Variants in RAPH1 observed in about 807,000 individuals in gnomAD.
The protein encoded by RAPH1 is ras-associated and pleckstrin homology domains-containing protein 1.
RAPH1 carries 18 observed loss-of-function variants against 88.1 expected under a neutral mutation model. That is an observed-to-expected ratio of 0.20 (90% CI 0.14 to 0.30). The LOEUF (loss-of-function observed/expected upper bound fraction) is 0.30, where lower values mean the gene tolerates loss of function less well. Ranked by LOEUF, RAPH1 falls within the 10% of genes least tolerant of loss-of-function variation. The probability of loss-of-function intolerance (pLI) is 1.00; values close to 1 mark genes in which losing one functional copy is unlikely to be tolerated. For missense variants in RAPH1, 1,448 were observed against 1,543.2 expected (o/e 0.94, Z 1.03); for synonymous variants, 587 against 559.0 (o/e 1.05, Z -0.71).
At chr2:203,524,521 G>A (rs1690032065) in intron 1 of RAPH1, among the ~76,000 whole-genome samples, 1 of 152,130 alleles carries the variant, frequency 6.6e-6, no homozygotes, top group Admixed American at 6.6e-5. Flanking sequence ...ATGCATAATG[G>A]AATACTTTAG....
chr2:203,441,141 C>T lies in RAPH1; in HGVS notation c.2049G>A (p.Leu683=), dbSNP rs1463289607. ...LQNASQHSGA[L]FKPPTPPVMQ... ...TCACTGGGGGTGTTGGCGGCTTAAA[C>T]AGGGCCCCTGAATGCTGAGACGCAT... is the stretch of plus-strand genomic sequence containing the variant. The change falls in exon 14 of 14, where the codon CTG becomes CTA. Residue 683 remains leucine, a synonymous_variant. Coordinates refer to ENST00000319170, the MANE Select transcript of RAPH1 (RefSeq NM_213589.3). 6.2e-7 allele frequency: 1 copy of T among 1,612,574 alleles called. No individual in the cohort carries two copies. The highest frequency in any genetic ancestry group is 8.5e-7 in the Non-Finnish European group (1 of 1,179,720).
chr2:203,475,865 A>G (rs1249407242), intron 4 of RAPH1, among the ~76,000 whole-genome samples: 1 of 151,860 alleles, frequency 6.6e-6, no homozygotes, highest in African/African-American at 2.4e-5. Flanking sequence ...GCAGCTAAGC[A>G]TTTACATACT....
chr2:203,522,480 C>A (rs1689927723), intron 1 of RAPH1, among the ~76,000 whole-genome samples: 1 of 152,198 alleles, frequency 6.6e-6, no homozygotes. Flanking sequence ...AATGCCTATT[C>A]TCCCCCAAAA....
chr2:203,534,012 C>G (rs1690502459), intron 1 of RAPH1, among the ~76,000 whole-genome samples: 1 of 152,168 alleles, frequency 6.6e-6, no homozygotes, highest in Admixed American at 6.5e-5. Flanking sequence ...CATGCTTGTT[C>G]ACCTGGTGTC....
At chr2:203,485,112 T>C (rs1268256452) in intron 4 of RAPH1, among the ~76,000 whole-genome samples, 3 of 152,072 alleles carry the variant, frequency 2.0e-5, no homozygotes, top group Non-Finnish European at 2.9e-5. Context: ...TTATAAGAGT[T>C]ACACTGCTGG....
rs61104558 is a variant in RAPH1 at position 203,487,770 on chromosome 2, T to TGATA, written c.732+1810_732+1813dup. ...ATAAATGAAAGTTTATTCTTCAGATTGATAAGATTCGCTTTCTTTGAAATA... is the reference window on the plus strand; with the variant it reads ...ATAAATGAAAGTTTATTCTTCAGATTGATAGATAAGATTCGCTTTCTTTGAAATA... On this transcript the variant is annotated intron_variant, in intron 4 of 13. Transcript: ENST00000319170. Among the ~76,000 whole-genome samples the TGATA allele has an allele frequency of 6.0e-3, 916 of 152,328 alleles. 34 individuals carry two copies. In the East Asian group the frequency reaches 0.098, roughly 16 times the overall value.
intron 1 of RAPH1, chr2:203,533,510 A>G (rs1690479056): frequency 6.6e-6 from 1 of 151,330 alleles, no homozygotes; most frequent in African/African-American, 2.4e-5. Flanking sequence ...CTCCCCCTCA[A>G]TTCGGCTCTC....
At chr2:203,517,359 CAAAAAAAAAA>C (rs71408943) in intron 1 of RAPH1, among the ~76,000 whole-genome samples, 33 of 32,156 alleles carry the variant, frequency 1.0e-3, no homozygotes, top group African/African-American at 1.7e-3. Flanking sequence ...CTATGAGAGG[CAAAAAAAAAA>C]AAAAAAAAAA....
Position 203,440,652 on chromosome 2 carries a change from G to A in RAPH1, c.2538C>T (p.Phe846=), listed in dbSNP as rs2098502763. The change falls in exon 14 of 14, where the codon TTC becomes TTT. Residue 846 remains phenylalanine (F), a synonymous_variant. Coordinates refer to ENST00000319170, the MANE Select transcript of RAPH1 (RefSeq NM_213589.3). ...GTGGAGAGGGAGGGGGTTTTGCACAGAAGCTCTGTTGCTTGGGTAATGTTG... is the reference window on the plus strand; with the variant it reads ...GTGGAGAGGGAGGGGGTTTTGCACAAAAGCTCTGTTGCTTGGGTAATGTTG... ...PPPTLPKQQS[F]CAKPPPSPLS... 1 of 1,558,394 alleles carries A rather than the reference G, an allele frequency of 6.4e-7. No homozygotes were observed. The highest frequency in any genetic ancestry group is 1.8e-5 in the Admixed American group (1 of 56,282).
At chr2:203,513,728 G>A (rs1295349828) in intron 1 of RAPH1, among the ~76,000 whole-genome samples, 3 of 149,384 alleles carry the variant, frequency 2.0e-5, no homozygotes, top group Non-Finnish European at 3.0e-5. Context: ...CCAGCTACTC[G>A]GGAGGCTGAG....
intron 1 of RAPH1, among the ~76,000 whole-genome samples, chr2:203,516,774 C>T (rs1461312032): frequency 6.6e-6 from 1 of 151,974 alleles, no homozygotes; most frequent in African/African-American, 2.4e-5. Context: ...TGACTCATGA[C>T]TGTAATCCCA....
intron 4 of RAPH1, among the ~76,000 whole-genome samples, chr2:203,473,797 AC>A (rs2098535145): frequency 6.6e-6 from 1 of 152,188 alleles, no homozygotes; most frequent in Non-Finnish European, 1.5e-5. Context: ...TCTTTTATTT[AC>A]CAACTATAGA....
chr2:203,499,550 C>T (rs1203464905), intron 1 of RAPH1, among the ~76,000 whole-genome samples: 2 of 151,968 alleles, frequency 1.3e-5, no homozygotes, highest in Non-Finnish European at 2.9e-5. Context: ...AGTGAAACCC[C>T]GTCTCTACAA....
chr2:203,489,083 G>A (rs1688122962), intron 4 of RAPH1, among the ~76,000 whole-genome samples: 2 of 151,236 alleles, frequency 1.3e-5, no homozygotes, highest in South Asian at 2.1e-4. Flanking sequence ...CTGAGATCAC[G>A]CCACTGCACT....
intron 4 of RAPH1, among the ~76,000 whole-genome samples, chr2:203,468,806 A>G (rs1432756813): frequency 6.6e-6 from 1 of 152,212 alleles, no homozygotes; most frequent in Admixed American, 6.5e-5. Context: ...ATAAAGAGCT[A>G]AGAGTGAGCC....
intron 10 of RAPH1, among the ~76,000 whole-genome samples, chr2:203,450,049 AAG>A (rs1581260547): frequency 6.6e-6 from 1 of 151,912 alleles, no homozygotes; most frequent in African/African-American, 2.4e-5. Flanking sequence ...CAAAGAAAGA[AAG>A]AAAAAAAGCT....
chr2:203,491,402 G>C (rs1688261692), intron 2 of RAPH1, 83 bp from the exon 3 acceptor site: 3 of 848,644 alleles, frequency 3.5e-6, no homozygotes, highest in Non-Finnish European at 5.5e-6. Flanking sequence ...TTATGATTAA[G>C]TGAACTGCCA....
intron 13 of RAPH1, chr2:203,444,510 AG>A (rs1447962791): frequency 2.5e-5 from 6 of 243,326 alleles, no homozygotes; most frequent in African/African-American, 1.3e-4. Context: ...TCTAGAATTT[AG>A]GGCATTTGCA....
At chr2:203,460,612 CAT>C (rs1371048543) in intron 6 of RAPH1, among the ~76,000 whole-genome samples, 1 of 150,268 alleles carries the variant, frequency 6.7e-6, no homozygotes, top group Non-Finnish European at 1.5e-5. Flanking sequence ...TTCAAGTTAA[CAT>C]AATAATTTTT....
Sources: gnomAD v4.1 joint callset for allele counts (sites outside exome capture counted in the v4.1 genomes callset) on GRCh38, gnomAD v4.1.1 for gene constraint, MANE v1.5 for transcripts, NCBI Gene and HGNC (gene_info 2026-07-23, HGNC 2026-07-21) for gene names.